Variants in LAMA1 observed in about 807,000 individuals in gnomAD.
LAMA1 encodes the protein laminin subunit alpha-1.
LAMA1 carries 219 observed loss-of-function variants against 348.7 expected under a neutral mutation model. That is an observed-to-expected ratio of 0.63 (90% confidence interval 0.56 to 0.70). LAMA1 has a LOEUF of 0.70. Among genes scored for constraint, LAMA1 ranks in the 30% least tolerant of loss-of-function variants. The pLI, the probability that LAMA1 is intolerant of heterozygous loss-of-function variation, is 0.00. For synonymous variants in LAMA1, 1,487 were observed against 1,491.0 expected, an observed-to-expected ratio of 1.00 and a Z score of 0.06; for missense variants, 3,744 against 3,888.0, an observed-to-expected ratio of 0.96 and a Z score of 0.99.
At chr18:7,010,927 T>A (rs1405592553) in intron 25 of LAMA1, among the ~76,000 whole-genome samples, 1 of 152,198 alleles carries the variant, frequency 6.6e-6, no homozygotes, top group Non-Finnish European at 1.5e-5. Context: ...TTTCAGTCAA[T>A]GACAAACCAC....
chr18:7,024,951 C>T lies in LAMA1; in HGVS notation c.2403-485G>A, dbSNP rs996682123. Among the ~76,000 whole-genome samples, 12 of 152,188 alleles carry T rather than the reference C, an allele frequency of 7.9e-5. 1 individual carries two copies. Among genetic ancestry groups the T allele is most frequent in the African/African-American group, 2.9e-4 (12 of 41,452 alleles). On this transcript the variant is annotated intron_variant, in intron 17 of 62. Coordinates refer to ENST00000389658, the MANE Select transcript of LAMA1 (RefSeq NM_005559.4). ...GAGGCTCTCGCACCTCTCCAGGGAC[C>T]CCCTGCTAACGGATGCCCCTTCCAA... is the stretch of plus-strand genomic sequence containing the variant.
chr18:7,080,540 C>A, intron 1 of LAMA1, 83 bp from the exon 2 acceptor site: 1 of 1,401,554 alleles, frequency 7.1e-7, no homozygotes, highest in South Asian at 1.2e-5. Context: ...GTAGGTGAAT[C>A]AAAAGGAGAT....
At position 7,010,326 on chromosome 18, in the gene LAMA1, G is replaced by A. The variant is rs148956653; in HGVS notation, c.3747C>T (p.Val1249=). ...YSVAFYSLDG[V]GTSNFEPQVL... ...CTTGAGGCTCAAAATTGGAGGTGCC[G>A]ACGCCATCCAAAGAATAGAAGGCCA... The change falls in exon 26 of 63, where the codon GTC becomes GTT. Residue 1249 remains valine (V), a synonymous_variant. Transcript: ENST00000389658. 1.9e-5 allele frequency: 30 copies of A among 1,613,994 alleles called. No homozygotes were observed. Among genetic ancestry groups the A allele is most frequent in the African/African-American group, 5.3e-5 (4 of 74,916 alleles).
At position 6,960,183 on chromosome 18, in the gene LAMA1, G is replaced by C. The variant is rs2057600322; in HGVS notation, c.7627-691C>G. 2.6e-5 allele frequency: 4 copies of C among 155,932 alleles called. No homozygotes were observed. In the South Asian group the frequency reaches 7.9e-4, roughly 31 times the overall value. 9.7% of individuals were successfully genotyped at this position (155,932 alleles called of 1,614,324 possible). On this transcript the variant is annotated intron_variant, in intron 53 of 62. Coordinates refer to ENST00000389658, the MANE Select transcript of LAMA1 (RefSeq NM_005559.4). ...TCCACTCCTAAGTATACACCCAGAA[G>C]AACTGAAGACAGGGACTCAAACAAA... is the stretch of plus-strand genomic sequence containing the variant.
Position 7,079,675 on chromosome 18 carries a change from C to T in LAMA1, c.345+300G>A, listed in dbSNP as rs1469544229. 9.3e-6 allele frequency: 4 copies of T among 432,232 alleles called. No homozygotes were observed. The Middle Eastern group carries it at 2.0e-3, about 219-fold the overall frequency. 26.8% of individuals were successfully genotyped at this position (432,232 alleles called of 1,614,324 possible). On this transcript the variant is annotated intron_variant, in intron 3 of 62. Coordinates refer to ENST00000389658, the MANE Select transcript of LAMA1 (RefSeq NM_005559.4). ...TCCCTCCCCATGCATCTGTTGGCAGCCAGCAAACAGCCTGACATGATACCC... is the reference window on the plus strand; with the variant it reads ...TCCCTCCCCATGCATCTGTTGGCAGTCAGCAAACAGCCTGACATGATACCC...
At position 7,011,484 on chromosome 18, in the gene LAMA1, A is replaced by G. The variant is rs2057860380; in HGVS notation, c.3508-5T>C. 1.3e-6 allele frequency: 2 copies of G among 1,599,042 alleles called. No homozygotes were observed. Among genetic ancestry groups the G allele is most frequent in the Non-Finnish European group, 1.7e-6 (2 of 1,173,152 alleles). On this transcript the variant is annotated splice_region_variant and splice_polypyrimidine_tract_variant and intron_variant, in intron 24 of 62. Coordinates refer to ENST00000389658, the MANE Select transcript of LAMA1 (RefSeq NM_005559.4). ...CTGATCGGAGCCCAGCGTTACCTAA[A>G]CCACGAAAGGAGGGGAAAGTGCACT...
intron 56 of LAMA1, 150 bp downstream of exon 56, chr18:6,956,486 C>A: frequency 7.5e-7 from 1 of 1,332,158 alleles, no homozygotes. Flanking sequence ...CCCTCCCTGT[C>A]CCCGCTCTGA....
At position 7,044,821 on chromosome 18, in the gene LAMA1, C is replaced by CA; in HGVS notation, c.876dup (p.Glu293Ter). The CA allele has an allele frequency of 6.2e-7, 1 of 1,613,746 alleles. No individual in the cohort carries two copies. Among genetic ancestry groups the CA allele is most frequent in the Non-Finnish European group, 8.5e-7 (1 of 1,179,658 alleles). ...CAGCTCTCCCCGCAAGTATTATGCT[C>CA]ACATTGACACTGCAGTTTCTACACA... On this transcript the variant is annotated frameshift_variant, in exon 7 of 63. Transcript: ENST00000389658. LOFTEE classifies it high-confidence loss of function.
chr18:7,006,536 G>C (rs1019875355), intron 29 of LAMA1, among the ~76,000 whole-genome samples: 3 of 152,110 alleles, frequency 2.0e-5, no homozygotes, highest in African/African-American at 7.2e-5. Context: ...TTAAAAACAA[G>C]GCATGCAACT....
In LAMA1 at chr18:7,032,027, G is replaced by A. The variant is rs1261479152; in HGVS notation, c.2274+39C>T. 4 of 1,509,830 alleles carry A rather than the reference G, an allele frequency of 2.6e-6. No homozygotes were observed. The Admixed American group carries it at 6.7e-5, about 25-fold the overall frequency. The allele number at this position is 1,509,830 out of a possible 1,614,324, so 93.5% of individuals were successfully genotyped here. ...TGTACACAGCAAATGGCTCTGAATT[G>A]AGGAGGAGAGGGCACCTGAACTACA... On this transcript the variant is annotated intron_variant, in intron 16 of 62. Coordinates refer to ENST00000389658, the MANE Select transcript of LAMA1 (RefSeq NM_005559.4).
intron 14 of LAMA1, among the ~76,000 whole-genome samples, chr18:7,034,118 C>T (rs577021142): frequency 1.2e-4 from 18 of 152,304 alleles, no homozygotes; most frequent in African/African-American, 3.8e-4. Flanking sequence ...ACGATGGATA[C>T]GTTCACTTAA....
chr18:7,032,045 G>C lies in LAMA1; in HGVS notation c.2274+21C>G, dbSNP rs1362191443. On this transcript the variant is annotated intron_variant, in intron 16 of 62. Coordinates refer to ENST00000389658, the MANE Select transcript of LAMA1 (RefSeq NM_005559.4). ...CTGAATTGAGGAGGAGAGGGCACCT[G>C]AACTACAGTGAGAGACTCACAATGC... is the stretch of plus-strand genomic sequence containing the variant. 3.8e-6 allele frequency: 6 copies of C among 1,599,576 alleles called. No individual in the cohort carries two copies. In the African/African-American group the frequency reaches 8.0e-5, roughly 21 times the overall value.
chr18:7,032,375 A>T (rs1273822074), intron 15 of LAMA1, among the ~76,000 whole-genome samples, 199 bp from the exon 16 acceptor site: 1 of 152,194 alleles, frequency 6.6e-6, no homozygotes, highest in Non-Finnish European at 1.5e-5. Context: ...CATCACCATA[A>T]TCCAGTTCCT....
intron 13 of LAMA1, among the ~76,000 whole-genome samples, chr18:7,035,019 G>C (rs182389987): frequency 1.3e-5 from 2 of 152,326 alleles, no homozygotes; most frequent in East Asian, 3.9e-4. Context: ...TACAGAAGTA[G>C]AAAAAGTATG....
chr18:7,098,843 T>TG (rs1224063862), intron 1 of LAMA1, among the ~76,000 whole-genome samples: 9 of 108,536 alleles, frequency 8.3e-5, no homozygotes, highest in African/African-American at 2.9e-4. Context: ...GGGAGGGAGG[T>TG]GGGGGGGTCA....
intron 51 of LAMA1, among the ~76,000 whole-genome samples, chr18:6,963,076 T>G (rs2057615813): frequency 6.6e-6 from 1 of 151,752 alleles, no homozygotes; most frequent in African/African-American, 2.4e-5. Context: ...TTTTTTTTTC[T>G]CATGTTGAAC....
chr18:7,046,229 A>G, intron 6 of LAMA1, 49 bp downstream of exon 6: 1 of 1,188,612 alleles, frequency 8.4e-7, no homozygotes, highest in Non-Finnish European at 1.3e-6. Flanking sequence ...TATTATAGCT[A>G]CAATTTCTGT....
At chr18:6,943,116 T>C in intron 62 of LAMA1, 64 bp downstream of exon 62, 1 of 1,418,674 alleles carries the variant, frequency 7.0e-7, no homozygotes. Context: ...TACATCCACC[T>C]GAACCAAGAC....
At chr18:7,035,065 C>T (rs2057988199) in intron 13 of LAMA1, among the ~76,000 whole-genome samples, 1 of 152,192 alleles carries the variant, frequency 6.6e-6, no homozygotes, top group African/African-American at 2.4e-5. Context: ...AGTTGCTGTT[C>T]ACAAAAGTGA....
Sources: gnomAD v4.1 joint callset for allele counts (sites outside exome capture counted in the v4.1 genomes callset) on GRCh38, gnomAD v4.1.1 for gene constraint, MANE v1.5 for transcripts, NCBI Gene and HGNC (gene_info 2026-07-23, HGNC 2026-07-21) for gene names.